COL19A1: variants seen among roughly 807,000 people sequenced by gnomAD.
COL19A1 encodes the protein collagen type XIX alpha 1 chain.
Under a neutral mutation model 190.2 loss-of-function variants are expected in COL19A1, and 159 were observed. The observed-to-expected ratio is 0.84, with a 90% confidence interval of 0.73 to 0.95. The LOEUF is 0.95. Among genes scored for constraint, COL19A1 ranks in the 40% least tolerant of loss-of-function variants. The pLI is 0.00. For missense variants in COL19A1, 1,418 were observed against 1,431.9 expected (o/e 0.99, Z 0.16); for synonymous variants, 509 against 458.9 (o/e 1.11, Z -1.39).
At chr6:69,945,057 C>T (rs1444549883) in intron 9 of COL19A1, among the ~76,000 whole-genome samples, 1 of 151,886 alleles carries the variant, frequency 6.6e-6, no homozygotes, top group Non-Finnish European at 1.5e-5. Flanking sequence ...TCACCCATTT[C>T]AGAGCTGAAA....
chr6:69,950,588 G>A (rs1221420970), intron 9 of COL19A1, among the ~76,000 whole-genome samples: 2 of 151,104 alleles, frequency 1.3e-5, no homozygotes, highest in Non-Finnish European at 3.0e-5. Flanking sequence ...ATGGACAGAA[G>A]GCTCTGTCAA....
At chr6:69,914,558 C>T (rs540778732) in intron 4 of COL19A1, among the ~76,000 whole-genome samples, 1 of 152,160 alleles carries the variant, frequency 6.6e-6, no homozygotes, top group African/African-American at 2.4e-5. Context: ...ATTTGGAAGC[C>T]AGTTCTTGAT....
chr6:69,899,992 T>C (rs902742072), intron 3 of COL19A1, among the ~76,000 whole-genome samples: 6 of 152,174 alleles, frequency 3.9e-5, no homozygotes, highest in Admixed American at 3.3e-4. Context: ...GAAATTAAAA[T>C]TGAGTTTTTT....
intron 48 of COL19A1, among the ~76,000 whole-genome samples, chr6:70,192,466 TC>T (rs1219537983): frequency 6.9e-6 from 1 of 145,510 alleles, no homozygotes; most frequent in Non-Finnish European, 1.5e-5. Flanking sequence ...TCTTTCTTCT[TC>T]TTTCTTTCTT....
chr6:69,895,389 C>A (rs1196317470), intron 2 of COL19A1, among the ~76,000 whole-genome samples: 2 of 152,218 alleles, frequency 1.3e-5, no homozygotes, highest in Non-Finnish European at 2.9e-5. Flanking sequence ...ACATTGAACA[C>A]CAAAAATGTC....
At chr6:70,173,874 T>C (rs1765646981) in intron 41 of COL19A1, among the ~76,000 whole-genome samples, 3 of 151,660 alleles carry the variant, frequency 2.0e-5, no homozygotes, top group Non-Finnish European at 4.4e-5. Context: ...AATGACTCAG[T>C]AGAGAGGGGG....
Position 70,137,690 on chromosome 6 carries a change from A to G in COL19A1, c.1389A>G (p.Glu463=). 1 of 1,613,338 alleles carries G rather than the reference A, an allele frequency of 6.2e-7. No individual in the cohort carries two copies. Among genetic ancestry groups the G allele is most frequent in the Non-Finnish European group, 8.5e-7 (1 of 1,179,418 alleles). ...EAGGLKGDKG[E]TGLPGFPGSV... is the part of the protein sequence containing the mutation. ...CTTCTGCTTTGTCTTGAAAGGGTGA[A>G]ACTGGACTACCAGGATTTCCAGGGT... The change falls in exon 19 of 51, where the codon GAA becomes GAG. Residue 463 remains glutamate, a synonymous_variant. Transcript: ENST00000620364.
At chr6:70,076,831 A>C (rs1781911916) in intron 15 of COL19A1, among the ~76,000 whole-genome samples, 1 of 152,224 alleles carries the variant, frequency 6.6e-6, no homozygotes, top group Non-Finnish European at 1.5e-5. Flanking sequence ...CATTCTGCCA[A>C]AGTGGCGATA....
chr6:69,868,579 G>C (rs1408331983), intron 1 of COL19A1, among the ~76,000 whole-genome samples: 2 of 152,186 alleles, frequency 1.3e-5, no homozygotes, highest in African/African-American at 4.8e-5. Context: ...CCTGGGAAAG[G>C]AGGGAGACAG....
At chr6:70,153,002 T>C (rs1040374666) in intron 31 of COL19A1, among the ~76,000 whole-genome samples, 11 of 152,106 alleles carry the variant, frequency 7.2e-5, no homozygotes, top group African/African-American at 2.7e-4. Flanking sequence ...GAATCATCCC[T>C]CTAATGAGTG....
At chr6:69,957,476 C>T (rs569212094) in intron 9 of COL19A1, among the ~76,000 whole-genome samples, 23 of 152,020 alleles carry the variant, frequency 1.5e-4, no homozygotes, top group African/African-American at 5.5e-4. Flanking sequence ...TTATATTACA[C>T]ATATTTATTA....
intron 9 of COL19A1, among the ~76,000 whole-genome samples, chr6:69,954,668 C>T (rs1406915379): frequency 6.6e-6 from 1 of 151,992 alleles, no homozygotes; most frequent in Admixed American, 6.6e-5. Flanking sequence ...AAAGTATGCT[C>T]TTCCCTCTCT....
intron 15 of COL19A1, among the ~76,000 whole-genome samples, chr6:70,082,560 G>C (rs1782321132): frequency 1.3e-5 from 2 of 152,012 alleles, no homozygotes; most frequent in Non-Finnish European, 2.9e-5. Context: ...CTAGAGGTGT[G>C]TGCCACCACA....
intron 4 of COL19A1, among the ~76,000 whole-genome samples, chr6:69,913,588 A>G (rs947004951): frequency 6.6e-6 from 1 of 152,198 alleles, no homozygotes; most frequent in African/African-American, 2.4e-5. Flanking sequence ...AGGGAGCATC[A>G]TGGTAGTTTT....
At chr6:70,034,860 T>C (rs1440212806) in intron 13 of COL19A1, among the ~76,000 whole-genome samples, 1 of 152,220 alleles carries the variant, frequency 6.6e-6, no homozygotes, top group Non-Finnish European at 1.5e-5. Flanking sequence ...TTGCAATGCA[T>C]TTTGTTCTCC....
rs1780996207 is a variant in COL19A1 at position 70,063,775 on chromosome 6, T to TA, written c.1171-4642dup. Reference sequence around the variant, plus strand: ...AGAGAGAAGAATCAAATAGATGCAATAAAAAATGATAAAGGGGATATCACC... The same window carrying TA: ...AGAGAGAAGAATCAAATAGATGCAATAAAAAAATGATAAAGGGGATATCACC... On this transcript the variant is annotated intron_variant, in intron 14 of 50. Transcript: ENST00000620364. Among the ~76,000 whole-genome samples the TA allele has an allele frequency of 9.2e-5, 14 of 151,958 alleles. 1 individual carries two copies. In the South Asian group the frequency reaches 2.9e-3, roughly 32 times the overall value.
intron 18 of COL19A1, chr6:70,131,145 G>T: frequency 2.8e-6 from 1 of 359,210 alleles, no homozygotes; most frequent in South Asian, 2.2e-5. Context: ...TAATGACCTT[G>T]GATTCCATGT....
chr6:70,136,178 A>C (rs990090944), intron 18 of COL19A1, among the ~76,000 whole-genome samples: 3 of 152,210 alleles, frequency 2.0e-5, no homozygotes, highest in Admixed American at 1.3e-4. Flanking sequence ...GATCTTGTCT[A>C]TCCATTACAG....
At chr6:70,119,542 A>G (rs1283884636) in intron 16 of COL19A1, among the ~76,000 whole-genome samples, 2 of 152,164 alleles carry the variant, frequency 1.3e-5, no homozygotes, top group Non-Finnish European at 2.9e-5. Context: ...ATTACTGCAA[A>G]AGTGATTTTT....
Sources: allele counts gnomAD v4.1 joint callset (sites outside exome capture counted in the v4.1 genomes callset), GRCh38; gene constraint gnomAD v4.1.1; transcripts MANE v1.5; gene names NCBI Gene and HGNC (gene_info 2026-07-23, HGNC 2026-07-21).